Variants in NYAP2 observed in about 807,000 individuals in gnomAD.
The protein encoded by NYAP2 is neuronal tyrosine-phosphorylated phosphoinositide-3-kinase adaptor 2.
In NYAP2, 23 loss-of-function variants were observed where a neutral mutation model predicts 50.4. The observed-to-expected ratio is 0.46, with a 90% CI of 0.33 to 0.65. NYAP2 has a LOEUF of 0.65. Ranked by LOEUF, NYAP2 falls within the 30% of genes least tolerant of loss-of-function variation. NYAP2 has a pLI of 0.02. For missense variants in NYAP2, 885 were observed against 861.0 expected (o/e 1.03, Z -0.35); for synonymous variants, 394 against 365.2 (o/e 1.08, Z -0.90).
At chr2:225,598,718 T>C (rs1275921437) in intron 5 of NYAP2, among the ~76,000 whole-genome samples, 2 of 152,260 alleles carry the variant, frequency 1.3e-5, no homozygotes, top group Non-Finnish European at 2.9e-5. Context: ...TAATGTTTTT[T>C]ATATGTGAAA....
intron 4 of NYAP2, among the ~76,000 whole-genome samples, chr2:225,572,876 A>G (rs1334984420): frequency 6.6e-6 from 1 of 152,152 alleles, no homozygotes; most frequent in African/African-American, 2.4e-5. Flanking sequence ...AAGGTTTTCC[A>G]TCCTTGTGGC....
chr2:225,519,292 T>C (rs1159048640), intron 4 of NYAP2, among the ~76,000 whole-genome samples: 1 of 151,994 alleles, frequency 6.6e-6, no homozygotes, highest in Non-Finnish European at 1.5e-5. Flanking sequence ...ATTATTATAC[T>C]TTAAGTTTTA....
intron 3 of NYAP2, among the ~76,000 whole-genome samples, chr2:225,462,573 A>G (rs1320727486): frequency 1.3e-5 from 2 of 152,170 alleles, no homozygotes; most frequent in Non-Finnish European, 2.9e-5. Context: ...GACATCTTCT[A>G]TTCATCTTCT....
intron 5 of NYAP2, among the ~76,000 whole-genome samples, chr2:225,606,854 C>T (rs1188738624): frequency 3.9e-5 from 6 of 152,054 alleles, no homozygotes; most frequent in African/African-American, 1.2e-4. Flanking sequence ...AACATTGTTG[C>T]TTCTCCTAGA....
chr2:225,692,890 CACAT>C, the NYAP2 span, among the ~76,000 whole-genome samples: 4 of 151,978 alleles, frequency 2.6e-5, no homozygotes, highest in Admixed American at 6.6e-5. Flanking sequence ...CACACACACA[CACAT>C]ATATTTACAC....
chr2:225,654,860 G>T (rs971384271), downstream of NYAP2, among the ~76,000 whole-genome samples: 2 of 152,168 alleles, frequency 1.3e-5, no homozygotes, highest in African/African-American at 4.8e-5. Flanking sequence ...TTCTCAGATT[G>T]TTGTTGTCAT....
At chr2:225,612,186 T>A (rs1007516052) in intron 5 of NYAP2, among the ~76,000 whole-genome samples, 1 of 149,568 alleles carries the variant, frequency 6.7e-6, no homozygotes, top group Non-Finnish European at 1.5e-5. Context: ...AGGAGATGAG[T>A]TGTGTATAAG....
intron 4 of NYAP2, among the ~76,000 whole-genome samples, chr2:225,533,117 T>G (rs2106198451): frequency 6.6e-6 from 1 of 152,336 alleles, no homozygotes; most frequent in Admixed American, 6.5e-5. Context: ...CAAAGATGGC[T>G]TCTCAGAGGA....
the NYAP2 span, among the ~76,000 whole-genome samples, chr2:225,662,496 T>TGGACTTCC: frequency 4.6e-5 from 7 of 152,262 alleles, no homozygotes; most frequent in East Asian, 1.3e-3. Flanking sequence ...ATCTGGCTTC[T>TGGACTTCC]GGACTTCCAC....
At chr2:225,478,886 A>C (rs1219025713) in intron 3 of NYAP2, among the ~76,000 whole-genome samples, 1 of 152,214 alleles carries the variant, frequency 6.6e-6, no homozygotes, top group Non-Finnish European at 1.5e-5. Context: ...CATGATCTGA[A>C]TATTGTGCAA....
chr2:225,683,159 G>T, the NYAP2 span, among the ~76,000 whole-genome samples: 5 of 152,254 alleles, frequency 3.3e-5, no homozygotes, highest in African/African-American at 1.2e-4. Flanking sequence ...TGGAAGAGGC[G>T]TAGGGACAAG....
Position 225,531,791 on chromosome 2 carries a change from C to T in NYAP2, c.523+18119C>T, listed in dbSNP as rs143216257. 3.9e-5 allele frequency among the ~76,000 whole-genome samples: 6 copies of T among 152,270 alleles called. No individual in the cohort carries two copies. In the East Asian group the frequency reaches 1.2e-3, roughly 29 times the overall value. ...CCTGCTTTGTTTATAATACAGCAAC[C>T]ACTCTGAATGATGTAAAAGATGAGA... On this transcript the variant is annotated intron_variant, in intron 4 of 6. Transcript: ENST00000636099.
intron 6 of NYAP2, among the ~76,000 whole-genome samples, chr2:225,628,577 C>T (rs1157219358): frequency 6.6e-6 from 1 of 152,024 alleles, no homozygotes; most frequent in Non-Finnish European, 1.5e-5. Context: ...CTCACCTCAG[C>T]CTTCCAAAGT....
At chr2:225,497,195 A>G (rs1214575458) in intron 3 of NYAP2, among the ~76,000 whole-genome samples, 1 of 152,180 alleles carries the variant, frequency 6.6e-6, no homozygotes, top group Non-Finnish European at 1.5e-5. Context: ...AAAAACAGGG[A>G]GCCAAGCTCC....
chr2:225,515,782 C>G (rs183243942), intron 4 of NYAP2, among the ~76,000 whole-genome samples: 19 of 152,268 alleles, frequency 1.2e-4, no homozygotes, highest in African/African-American at 4.6e-4. Flanking sequence ...TGCCAGAAAA[C>G]TACCTAATAA....
downstream of NYAP2, among the ~76,000 whole-genome samples, chr2:225,657,535 T>C (rs1420860298): frequency 7.2e-6 from 1 of 139,122 alleles, no homozygotes; most frequent in Non-Finnish European, 1.5e-5. Context: ...CAAAAACAAG[T>C]CCTAAGGGCA....
chr2:225,582,656 G>A lies in NYAP2; in HGVS notation c.1239G>A (p.Ser413=), dbSNP rs751729250. ...CTGCCACCCCTGCGCTCTCCTCGTCGCCCCCACCCCCGTCTACGCTGTACC... is the reference window on the plus strand; with the variant it reads ...CTGCCACCCCTGCGCTCTCCTCGTCACCCCCACCCCCGTCTACGCTGTACC... Residue 413 remains serine (S), a synonymous_variant, in exon 5 of 7, where the codon TCG becomes TCA. Coordinates refer to ENST00000636099, the Ensembl canonical transcript of NYAP2. This position sits in a 1 kb window ranked among gnomAD's most constrained non-coding sequence, Gnocchi z 7.0. The A allele has an allele frequency of 2.5e-6, 4 of 1,593,798 alleles. No homozygotes were observed. The South Asian group carries it at 3.4e-5, about 14-fold the overall frequency.
At chr2:225,639,620 G>C (rs1195931055) in intron 6 of NYAP2, among the ~76,000 whole-genome samples, 1 of 148,164 alleles carries the variant, frequency 6.7e-6, no homozygotes, top group African/African-American at 2.6e-5. Flanking sequence ...AATTAGGCTG[G>C]GTTTCTCTAT....
intron 5 of NYAP2, among the ~76,000 whole-genome samples, chr2:225,624,245 T>A (rs1693170584): frequency 6.6e-6 from 1 of 152,216 alleles, no homozygotes; most frequent in Non-Finnish European, 1.5e-5. Flanking sequence ...CTCTGCTAAA[T>A]TAAGTTTGTC....
Sources: allele counts gnomAD v4.1 joint callset (sites outside exome capture counted in the v4.1 genomes callset), GRCh38; gene constraint gnomAD v4.1.1; non-coding constraint Gnocchi (gnomAD v3.1); transcripts MANE v1.5; gene names NCBI Gene and HGNC (gene_info 2026-07-23, HGNC 2026-07-21).